The following GRM8 variants were observed in gnomAD, a reference collection of about 807,000 sequenced individuals.
GRM8 encodes the protein glutamate metabotropic receptor 8.
In GRM8, 47 loss-of-function variants were observed where a neutral mutation model predicts 87.2. The ratio of observed to expected loss-of-function variants is 0.54; its 90% CI spans 0.43 to 0.69. The LOEUF (loss-of-function observed/expected upper bound fraction) is 0.69. Ranked by LOEUF, GRM8 falls within the 30% of genes least tolerant of loss-of-function variation. The probability of loss-of-function intolerance (pLI) is 0.00; values close to 1 mark genes in which losing one functional copy is unlikely to be tolerated. For synonymous variants in GRM8, 396 were observed against 404.5 expected (o/e 0.98, Z 0.25); for missense variants, 1,019 against 1,139.2 (o/e 0.89, Z 1.52).
At chr7:126,554,417 A>AAATAATAAT (rs34731773) in intron 8 of GRM8, among the ~76,000 whole-genome samples, 113 of 147,220 alleles carry the variant, frequency 7.7e-4, no homozygotes, top group African/African-American at 2.4e-3. Context: ...CAATTTCTAC[A>AAATAATAAT]AATAATAATA....
intron 3 of GRM8, among the ~76,000 whole-genome samples, chr7:127,079,467 A>T (rs1822628168): frequency 6.6e-6 from 1 of 152,258 alleles, no homozygotes; most frequent in Non-Finnish European, 1.5e-5. Flanking sequence ...ATGCCTTCTA[A>T]GGATAGATAT....
intron 9 of GRM8, among the ~76,000 whole-genome samples, chr7:126,518,543 A>G (rs1812509492): frequency 6.6e-6 from 1 of 152,078 alleles, no homozygotes; most frequent in Non-Finnish European, 1.5e-5. Flanking sequence ...GGTTATCAAT[A>G]GATACCCCAT....
chr7:126,574,113 A>G (rs936668661), intron 8 of GRM8, among the ~76,000 whole-genome samples: 6 of 152,222 alleles, frequency 3.9e-5, no homozygotes, highest in African/African-American at 1.4e-4. Flanking sequence ...GTAAAACTTA[A>G]AACACCATTT....
chr7:126,978,559 G>T (rs1376652968), intron 3 of GRM8, among the ~76,000 whole-genome samples: 1 of 152,166 alleles, frequency 6.6e-6, no homozygotes, highest in Non-Finnish European at 1.5e-5. Context: ...TGGTGTCAAA[G>T]TCCTCTAAGG....
At chr7:127,045,943 T>C (rs764117477) in intron 3 of GRM8, among the ~76,000 whole-genome samples, 1 of 152,228 alleles carries the variant, frequency 6.6e-6, no homozygotes, top group African/African-American at 2.4e-5. Context: ...CCAGTTGATA[T>C]TTAATTGGAA....
In GRM8 at chr7:126,439,056, G is replaced by A. The variant is rs111678622; in HGVS notation, c.*63C>T. The A allele has an allele frequency of 4.6e-5, 43 of 939,300 alleles. 1 individual carries two copies. Among genetic ancestry groups the A allele is most frequent in the African/African-American group, 2.3e-4 (14 of 61,952 alleles). The allele number at this position is 939,300 out of a possible 1,614,324, so 58.2% of individuals were successfully genotyped here. A position where few individuals can be genotyped will look rare whatever the true frequency, so the allele number is the denominator to read the frequency against. On this transcript the variant is annotated 3_prime_UTR_variant, in exon 11 of 11. Coordinates refer to ENST00000339582, the MANE Select transcript of GRM8 (RefSeq NM_000845.3). ...GAGATCTCCAGGAGTGAATTTTTGC[G>A]GTCTCATGTTCATCATTTAAGATCA...
intron 3 of GRM8, among the ~76,000 whole-genome samples, chr7:126,926,411 C>T (rs1000992524): frequency 1.3e-5 from 2 of 152,130 alleles, no homozygotes; most frequent in Non-Finnish European, 2.9e-5. Flanking sequence ...AAATCCCTCT[C>T]AAGTCTACTC....
intron 9 of GRM8, among the ~76,000 whole-genome samples, chr7:126,480,711 T>C (rs940256081): frequency 5.9e-5 from 9 of 152,100 alleles, no homozygotes; most frequent in Admixed American, 5.2e-4. Flanking sequence ...TATATTTATG[T>C]GTACGTGTGT....
chr7:126,682,215 T>G (rs139145060), intron 7 of GRM8, among the ~76,000 whole-genome samples: 42 of 152,342 alleles, frequency 2.8e-4, no homozygotes, highest in African/African-American at 8.4e-4. Flanking sequence ...AAATTATGTA[T>G]TATTATATCC....
intron 10 of GRM8, chr7:126,445,511 T>C (rs1189473033): frequency 2.0e-5 from 3 of 152,310 alleles, no homozygotes; most frequent in Admixed American, 6.6e-5. Flanking sequence ...GTAGAAAAGA[T>C]TCTATTTCCA....
At chr7:126,697,934 T>C (rs992003011) in intron 7 of GRM8, among the ~76,000 whole-genome samples, 2 of 152,190 alleles carry the variant, frequency 1.3e-5, no homozygotes, top group Non-Finnish European at 2.9e-5. Context: ...CACAAAACAG[T>C]TCTTTCATTT....
intron 7 of GRM8, among the ~76,000 whole-genome samples, chr7:126,650,256 G>T (rs764097039): frequency 5.9e-5 from 9 of 152,148 alleles, no homozygotes; most frequent in Non-Finnish European, 1.3e-4. Context: ...TGGCTCAAAT[G>T]CCCATGGTCC....
In GRM8 at chr7:126,831,316, C is replaced by A. The variant is rs1427410617; in HGVS notation, c.1157-61251G>T. 3.3e-5 allele frequency among the ~76,000 whole-genome samples: 5 copies of A among 152,232 alleles called. 1 individual carries two copies. Among genetic ancestry groups the A allele is most frequent in the Admixed American group, 3.3e-4 (5 of 15,288 alleles). On this transcript the variant is annotated intron_variant, in intron 6 of 10. Coordinates refer to ENST00000339582, the MANE Select transcript of GRM8 (RefSeq NM_000845.3). The stretch of plus-strand genomic sequence containing the variant: ...GCCCTGCCCCCAGAGGTGGAGCCTA[C>A]AGAGGCAGGCAGGCCTCCTTGAGCT...
At chr7:126,591,023 C>T (rs1282102050) in intron 8 of GRM8, among the ~76,000 whole-genome samples, 1 of 152,008 alleles carries the variant, frequency 6.6e-6, no homozygotes, top group Non-Finnish European at 1.5e-5. Context: ...TAGCACCTCA[C>T]ATCTCAATAC....
intron 8 of GRM8, among the ~76,000 whole-genome samples, chr7:126,604,171 TA>T (rs1324608448): frequency 6.6e-6 from 1 of 152,120 alleles, no homozygotes. Flanking sequence ...TCAATTAAAA[TA>T]AATACTATAC....
At chr7:127,212,709 G>A (rs1044247902) in intron 2 of GRM8, among the ~76,000 whole-genome samples, 14 of 152,054 alleles carry the variant, frequency 9.2e-5, no homozygotes, top group Non-Finnish European at 1.6e-4. Context: ...GAGCCACCGC[G>A]CCCGGCCGAC....
At chr7:126,507,005 C>T (rs1017851559) in intron 9 of GRM8, among the ~76,000 whole-genome samples, 1 of 152,028 alleles carries the variant, frequency 6.6e-6, no homozygotes, top group African/African-American at 2.4e-5. Context: ...AAGGAGAGGG[C>T]ATATCTAAAG....
chr7:126,777,424 T>C (rs1427346121), intron 6 of GRM8, among the ~76,000 whole-genome samples: 1 of 152,136 alleles, frequency 6.6e-6, no homozygotes, highest in African/African-American at 2.4e-5. Context: ...TCTACGTGAC[T>C]CAAAACCTCT....
At chr7:127,223,488 A>C (rs1267956720) in intron 2 of GRM8, among the ~76,000 whole-genome samples, 1 of 131,408 alleles carries the variant, frequency 7.6e-6, no homozygotes, top group Non-Finnish European at 1.7e-5. Flanking sequence ...CACACACACA[A>C]AACTGTGGAC....
Sources: allele counts gnomAD v4.1 joint callset (sites outside exome capture counted in the v4.1 genomes callset), GRCh38; gene constraint gnomAD v4.1.1; transcripts MANE v1.5; gene names NCBI Gene and HGNC (gene_info 2026-07-23, HGNC 2026-07-21).